VAMP7: variants seen among roughly 807,000 people sequenced by gnomAD.
The protein encoded by VAMP7 is vesicle associated membrane protein 7.
A neutral mutation model predicts 29.6 loss-of-function variants in VAMP7; 14 were observed. That is an observed-to-expected ratio of 0.47 (90% CI 0.31 to 0.74). VAMP7 has a LOEUF of 0.74. Among genes scored for constraint, VAMP7 ranks in the 30% least tolerant of loss-of-function variants. The pLI is 0.05. For synonymous variants in VAMP7, 95 were observed against 88.1 expected (o/e 1.08, Z -0.44); for missense variants, 223 against 262.4 (o/e 0.85, Z 1.04).
chrX:155,928,225 C>T (rs2066499030), intron 6 of VAMP7, among the ~76,000 whole-genome samples: 1 of 152,146 alleles, frequency 6.6e-6, no homozygotes, highest in African/African-American at 2.4e-5. Context: ...ACCTGGCCCC[C>T]TTTGGCTGGT....
chrX:155,939,879 T>C, intron 7 of VAMP7, 86 bp downstream of exon 7: 1 of 1,130,806 alleles, frequency 8.8e-7, no homozygotes, highest in East Asian at 2.3e-5. Context: ...TGATTAACAC[T>C]CTGAAATGAG....
At chrX:155,929,452 C>CG (rs1266819377) in intron 6 of VAMP7, among the ~76,000 whole-genome samples, 1 of 152,050 alleles carries the variant, frequency 6.6e-6, no homozygotes, top group Admixed American at 6.5e-5. Flanking sequence ...AGTTGCCCCC[C>CG]CTGGGCATTG....
chrX:155,930,377 C>T (rs186805381), intron 6 of VAMP7, among the ~76,000 whole-genome samples: 2 of 151,992 alleles, frequency 1.3e-5, no homozygotes, highest in Admixed American at 6.6e-5. Flanking sequence ...TAGCTCATAC[C>T]TATAATCCTA....
Position 155,941,977 on chromosome X carries a change from G to A in VAMP7, c.*26G>A, listed in dbSNP as rs769961185. 1 of 1,613,704 alleles carries A rather than the reference G, an allele frequency of 6.2e-7. No homozygotes were observed. The highest frequency in any genetic ancestry group is 8.5e-7 in the Non-Finnish European group (1 of 1,179,796). ...GAAAGAAGAAGTTACCATTAACCAAGGATATGAGAGAACAAGGAGTTAAAA... is the reference window on the plus strand; with the variant it reads ...GAAAGAAGAAGTTACCATTAACCAAAGATATGAGAGAACAAGGAGTTAAAA... On this transcript the variant is annotated 3_prime_UTR_variant, in exon 8 of 8. Transcript: ENST00000286448.
chrX:155,913,648 G>A (rs140015480), intron 5 of VAMP7, among the ~76,000 whole-genome samples: 1 of 152,084 alleles, frequency 6.6e-6, no homozygotes, highest in Non-Finnish European at 1.5e-5. Context: ...CCCATTGCTT[G>A]TTTTTGTCAG....
intron 5 of VAMP7, among the ~76,000 whole-genome samples, chrX:155,904,694 T>C (rs946477324): frequency 3.9e-5 from 6 of 152,044 alleles, no homozygotes; most frequent in African/African-American, 1.4e-4. Flanking sequence ...ATATGTGGCC[T>C]TTTGTGTCTT....
chrX:155,937,393 A>G (rs181373202), intron 6 of VAMP7, among the ~76,000 whole-genome samples: 2 of 152,318 alleles, frequency 1.3e-5, no homozygotes, highest in Non-Finnish European at 2.9e-5. Context: ...GAAATATGCT[A>G]TAAGAATAGA....
chrX:155,922,528 T>G (rs1490831775), intron 6 of VAMP7, among the ~76,000 whole-genome samples: 4 of 152,088 alleles, frequency 2.6e-5, no homozygotes, highest in African/African-American at 7.2e-5. Context: ...CATTGATTTT[T>G]CAGTGTTAAA....
intron 5 of VAMP7, among the ~76,000 whole-genome samples, chrX:155,914,798 A>G (rs1422768439): frequency 3.3e-5 from 5 of 152,166 alleles, no homozygotes; most frequent in African/African-American, 7.2e-5. Flanking sequence ...ATCAGTGTTC[A>G]TCAGGGATAT....
At chrX:155,933,676 T>C (rs1362964624) in intron 6 of VAMP7, among the ~76,000 whole-genome samples, 1 of 152,226 alleles carries the variant, frequency 6.6e-6, no homozygotes, top group African/African-American at 2.4e-5. Context: ...CATTGATTTC[T>C]TGAAGGGTTT....
At chrX:155,900,162 T>C (rs1347995521) in intron 4 of VAMP7, among the ~76,000 whole-genome samples, 2 of 151,996 alleles carry the variant, frequency 1.3e-5, no homozygotes, top group Non-Finnish European at 1.5e-5. Flanking sequence ...CTTCTTTTTC[T>C]CCTTTCTTCC....
intron 1 of VAMP7, among the ~76,000 whole-genome samples, chrX:155,887,956 AAAG>A (rs1436879318): frequency 6.6e-6 from 1 of 151,762 alleles, no homozygotes; most frequent in Non-Finnish European, 1.5e-5. Context: ...AAAAAAAAGA[AAAG>A]AAACAGAACA....
chrX:155,899,853 A>G (rs1356636535), intron 4 of VAMP7, among the ~76,000 whole-genome samples: 1 of 152,104 alleles, frequency 6.6e-6, no homozygotes, highest in Non-Finnish European at 1.5e-5. Flanking sequence ...ATCGTTTCAT[A>G]GAGTTTTGGG....
At chrX:155,906,182 T>C (rs937378407) in intron 5 of VAMP7, among the ~76,000 whole-genome samples, 36 of 152,236 alleles carry the variant, frequency 2.4e-4, no homozygotes, top group African/African-American at 8.4e-4. Flanking sequence ...GGCTCTGTCC[T>C]TGGCCTGCCT....
chrX:155,914,813 C>A (rs1439413921), intron 5 of VAMP7, among the ~76,000 whole-genome samples: 1 of 152,064 alleles, frequency 6.6e-6, no homozygotes, highest in African/African-American at 2.4e-5. Flanking sequence ...GGATATTGGC[C>A]TGAAATTTTC....
At position 155,889,609 on chromosome X, in the gene VAMP7, G is replaced by A; in HGVS notation, c.143G>A (p.Gly48Asp). The change falls in exon 2 of 8, where the codon GGC becomes GAC. Residue 48 changes from glycine (G) to aspartate (D), a missense_variant. Transcript: ENST00000286448. ...AATAACAAACTAACGTACTCACATG[G>A]CAAGTGAGTTCTGTTCTGCATGTGG... ...SENNKLTYSHGNYLFHYICQD... is the reference protein window; with the variant it reads ...SENNKLTYSHDNYLFHYICQD... 1.9e-6 allele frequency: 3 copies of A among 1,613,808 alleles called. No individual in the cohort carries two copies. Among genetic ancestry groups the A allele is most frequent in the Non-Finnish European group, 2.5e-6 (3 of 1,179,802 alleles).
At chrX:155,923,905 G>A (rs1212163454) in intron 6 of VAMP7, among the ~76,000 whole-genome samples, 1 of 151,966 alleles carries the variant, frequency 6.6e-6, no homozygotes, top group African/African-American at 2.4e-5. Flanking sequence ...TGCTGTTTCT[G>A]TCCTGTGTAT....
At chrX:155,933,020 T>A (rs2066587804) in intron 6 of VAMP7, among the ~76,000 whole-genome samples, 1 of 152,152 alleles carries the variant, frequency 6.6e-6, no homozygotes, top group African/African-American at 2.4e-5. Flanking sequence ...GATTTGTATA[T>A]GTTGAACCAG....
At chrX:155,898,355 G>T (rs2066015163) in intron 4 of VAMP7, 106 bp downstream of exon 4, 3 of 1,401,146 alleles carry the variant, frequency 2.1e-6, no homozygotes, top group South Asian at 3.2e-5. Flanking sequence ...TTCTGATTGT[G>T]TTACTGTAAG....
Sources: gnomAD v4.1 joint callset for allele counts (sites outside exome capture counted in the v4.1 genomes callset) on GRCh38, gnomAD v4.1.1 for gene constraint, MANE v1.5 for transcripts, NCBI Gene and HGNC (gene_info 2026-07-23, HGNC 2026-07-21) for gene names.